Variants in DNAI7 observed in about 807,000 individuals in gnomAD.
DNAI7 encodes cancer susceptibility 1.
DNAI7 carries 78 observed loss-of-function variants against 86.6 expected under a neutral mutation model. The observed-to-expected ratio is 0.90, with a 90% CI of 0.75 to 1.09. DNAI7 has a LOEUF of 1.09. DNAI7 is among the 50% of genes least tolerant of loss of function. The pLI is 0.00. For missense variants in DNAI7, 753 were observed against 810.2 expected, an observed-to-expected ratio of 0.93 and a Z score of 0.86; for synonymous variants, 274 against 273.0, an observed-to-expected ratio of 1.00 and a Z score of -0.04.
At chr12:25,135,333 G>A (rs1035698579) in intron 9 of DNAI7, among the ~76,000 whole-genome samples, 1 of 152,208 alleles carries the variant, frequency 6.6e-6, no homozygotes. Context: ...CTGGTCTCCA[G>A]GGAAGCCATT....
chr12:25,136,974 G>T (rs1943632429), intron 9 of DNAI7, among the ~76,000 whole-genome samples: 1 of 152,134 alleles, frequency 6.6e-6, no homozygotes, highest in Non-Finnish European at 1.5e-5. Flanking sequence ...AAATCTAAAA[G>T]CTCAGAAAAT....
At chr12:25,119,428 T>C (rs1940833079) in intron 11 of DNAI7, 127 bp from the exon 12 acceptor site, 1 of 530,774 alleles carries the variant, frequency 1.9e-6, no homozygotes, top group Non-Finnish European at 3.2e-6. Context: ...TATATATAGA[T>C]TAACAAAATG....
chr12:25,153,178 T>C (rs1012319716), intron 6 of DNAI7, among the ~76,000 whole-genome samples: 1 of 152,162 alleles, frequency 6.6e-6, no homozygotes, highest in African/African-American at 2.4e-5. Flanking sequence ...TCCTAGCACT[T>C]TGGGAAGCTG....
intron 2 of DNAI7, among the ~76,000 whole-genome samples, chr12:25,173,931 T>TACAATC (rs1288115225): frequency 6.3e-4 from 6 of 9,514 alleles, no homozygotes; most frequent in Non-Finnish European, 1.5e-3. Flanking sequence ...ATATATCATA[T>TACAATC]ATAATCATAT....
At chr12:25,194,399 T>G (rs566074705) in intron 1 of DNAI7, among the ~76,000 whole-genome samples, 45 of 152,210 alleles carry the variant, frequency 3.0e-4, no homozygotes, top group Non-Finnish European at 5.1e-4. Context: ...ACTCCACATT[T>G]TTCCCTTAAT....
At chr12:25,158,349 C>T (rs972874245) in intron 4 of DNAI7, 123 bp downstream of exon 4, 6 of 690,560 alleles carry the variant, frequency 8.7e-6, no homozygotes, top group East Asian at 2.8e-5. Context: ...TTCTATGGTA[C>T]GATTAAGTTC....
intron 9 of DNAI7, among the ~76,000 whole-genome samples, chr12:25,133,721 CAT>C (rs1943211199): frequency 1.3e-5 from 2 of 152,210 alleles, no homozygotes; most frequent in South Asian, 4.1e-4. Flanking sequence ...AGCGTCTACA[CAT>C]GTGTCTGTTG....
At position 25,169,252 on chromosome 12, in the gene DNAI7, T is replaced by A. The variant is rs554742286; in HGVS notation, c.22-8055A>T. On this transcript the variant is annotated intron_variant, in intron 2 of 15. Coordinates refer to ENST00000395987, the MANE Select transcript of DNAI7 (RefSeq NM_018272.5). ...GTTCCTGCCTTAACTGATGACATTA[T>A]CTTGTGAAATTCCTTCTCCTGGCTC... Among the ~76,000 whole-genome samples, 5 of 152,188 alleles carry A rather than the reference T, an allele frequency of 3.3e-5. No homozygotes were observed. The South Asian group carries it at 1.0e-3, about 32-fold the overall frequency.
intron 14 of DNAI7, 57 bp downstream of exon 14, chr12:25,111,712 TTAA>T: frequency 9.5e-7 from 1 of 1,052,536 alleles, no homozygotes; most frequent in Non-Finnish European, 1.3e-6. Flanking sequence ...TATATAACAT[TTAA>T]TAATTGCTAA....
At chr12:25,180,577 G>T (rs1243068269) in intron 2 of DNAI7, among the ~76,000 whole-genome samples, 6 of 152,032 alleles carry the variant, frequency 3.9e-5, no homozygotes, top group African/African-American at 1.4e-4. Context: ...CATGGTATTG[G>T]TATAAAAATA....
Position 25,108,778 on chromosome 12 carries a change from C to A in DNAI7, c.1939G>T (p.Ala647Ser). 1 of 1,378,348 alleles carries A rather than the reference C, an allele frequency of 7.3e-7. No homozygotes were observed. The highest frequency in any genetic ancestry group is 2.0e-4 in the Middle Eastern group (1 of 5,026). 85.4% of individuals were successfully genotyped at this position (1,378,348 alleles called of 1,614,324 possible). Residue 647 changes from alanine (A) to serine (S), a missense_variant, in exon 16 of 16, where the codon GCC becomes TCC. Physicochemically the swap from Ala to Ser is moderately conservative, Grantham distance 99 (BLOSUM62 1). Transcript: ENST00000395987. ...CTGTCACCACTAAACATTAAAAGGG[C>A]CCAATTAGGATTCTCAGTACATGCT... is the stretch of plus-strand genomic sequence containing the variant. ...TEACTENPNW[A>S]LLMFSGDRAQ... is the part of the protein sequence containing the mutation.
At chr12:25,116,092 T>TA in intron 12 of DNAI7, among the ~76,000 whole-genome samples, 1 of 151,590 alleles carries the variant, frequency 6.6e-6, no homozygotes, top group African/African-American at 2.4e-5. Flanking sequence ...TTCTTTTTTT[T>TA]TTTTTTTGGT....
At chr12:25,126,661 G>C (rs1024860113) in intron 9 of DNAI7, among the ~76,000 whole-genome samples, 1 of 152,104 alleles carries the variant, frequency 6.6e-6, no homozygotes, top group Non-Finnish European at 1.5e-5. Flanking sequence ...GGAAGGACAG[G>C]TTTGGGGGAA....
At chr12:25,172,891 G>T (rs935446735) in intron 2 of DNAI7, among the ~76,000 whole-genome samples, 7 of 152,214 alleles carry the variant, frequency 4.6e-5, no homozygotes, top group Non-Finnish European at 7.4e-5. Context: ...GGGATAATTG[G>T]CTAGCTACAT....
intron 2 of DNAI7, among the ~76,000 whole-genome samples, chr12:25,186,302 G>A (rs906292727): frequency 5.9e-5 from 9 of 152,042 alleles, no homozygotes; most frequent in Admixed American, 1.3e-4. Flanking sequence ...TGAAATCTGC[G>A]TAAAAATATT....
chr12:25,167,102 C>T (rs1947567822), intron 2 of DNAI7, among the ~76,000 whole-genome samples: 1 of 152,110 alleles, frequency 6.6e-6, no homozygotes, highest in Non-Finnish European at 1.5e-5. Context: ...TGTTCCTCAC[C>T]CTGAACACAT....
intron 5 of DNAI7, 143 bp from the exon 6 acceptor site, chr12:25,154,599 G>A: frequency 1.4e-6 from 1 of 720,738 alleles, no homozygotes; most frequent in Non-Finnish European, 2.3e-6. Context: ...TAACTTGAGA[G>A]AGCTCTAAAA....
At chr12:25,146,833 G>A (rs982051565) in intron 8 of DNAI7, among the ~76,000 whole-genome samples, 168 bp downstream of exon 8, 2 of 152,204 alleles carry the variant, frequency 1.3e-5, no homozygotes, top group African/African-American at 4.8e-5. Flanking sequence ...AAAGTAACTT[G>A]TGTAAGAAAA....
At chr12:25,182,757 TA>T (rs981632985) in intron 2 of DNAI7, among the ~76,000 whole-genome samples, 6 of 149,882 alleles carry the variant, frequency 4.0e-5, no homozygotes, top group African/African-American at 1.5e-4. Context: ...ATCTCATCTC[TA>T]AAAAAAATTT....
Sources: allele counts gnomAD v4.1 joint callset (sites outside exome capture counted in the v4.1 genomes callset), GRCh38; gene constraint gnomAD v4.1.1; transcripts MANE v1.5; gene names NCBI Gene and HGNC (gene_info 2026-07-23, HGNC 2026-07-21).